EFHB: variants seen among roughly 807,000 people sequenced by gnomAD.
EFHB encodes EF-hand domain-containing family member B.
A neutral mutation model predicts 87.2 loss-of-function variants in EFHB; 91 were observed. The observed-to-expected ratio is 1.04, with a 90% CI of 0.88 to 1.24. The LOEUF (loss-of-function observed/expected upper bound fraction) is 1.24. Among genes scored for constraint, EFHB ranks in the 50% most tolerant of loss-of-function variants. The probability of loss-of-function intolerance (pLI) is 0.00; values close to 1 mark genes in which losing one functional copy is unlikely to be tolerated. For synonymous variants in EFHB, 325 were observed against 333.6 expected (o/e 0.97, Z 0.28); for missense variants, 1,084 against 998.8 (o/e 1.09, Z -1.15).
chr3:19,939,477 C>T (rs987834074), intron 1 of EFHB, among the ~76,000 whole-genome samples: 7 of 148,260 alleles, frequency 4.7e-5, no homozygotes, highest in East Asian at 2.0e-4. Flanking sequence ...CTCCGCCTCC[C>T]GGGTTCACGC....
upstream of EFHB, among the ~76,000 whole-genome samples, chr3:19,938,875 C>T (rs571840323): frequency 1.3e-4 from 20 of 152,132 alleles, no homozygotes; most frequent in East Asian, 1.9e-4. Flanking sequence ...TAGTTCCACT[C>T]GCACACTGGG....
upstream of EFHB, among the ~76,000 whole-genome samples, chr3:19,935,354 G>A (rs1695986796): frequency 6.6e-6 from 1 of 152,092 alleles, no homozygotes; most frequent in African/African-American, 2.4e-5. Context: ...TTTAATGAAA[G>A]TATATTTGGT....
intron 5 of EFHB, among the ~76,000 whole-genome samples, chr3:19,913,069 C>T (rs1440383321): frequency 6.6e-6 from 1 of 151,932 alleles, no homozygotes; most frequent in Non-Finnish European, 1.5e-5. Context: ...TAATAAAAAC[C>T]CTCAACACAC....
chr3:19,881,531 C>G (rs1049829177), intron 12 of EFHB, among the ~76,000 whole-genome samples: 5 of 152,082 alleles, frequency 3.3e-5, no homozygotes, highest in Non-Finnish European at 2.9e-5. Flanking sequence ...ATTTCATAGG[C>G]CTTTCAGAGT....
At position 19,934,175 on chromosome 3, in the gene EFHB, C is replaced by T. The variant is rs768144473; in HGVS notation, c.-157G>A. On this transcript the variant is annotated 5_prime_UTR_variant, in exon 1 of 13. Coordinates refer to ENST00000295824, the MANE Select transcript of EFHB (RefSeq NM_144715.4). The stretch of plus-strand genomic sequence containing the variant: ...TCCCTGTCCATTGCTTCCTGCCTGC[C>T]TCTTAACACCTAGCCGAGTTCACAG... 2.3e-4 allele frequency: 336 copies of T among 1,443,310 alleles called. No homozygotes were observed. The highest frequency in any genetic ancestry group is 2.0e-3 in the Middle Eastern group (8 of 3,960). 89.4% of individuals were successfully genotyped at this position (1,443,310 alleles called of 1,614,324 possible). A position where few individuals can be genotyped will look rare whatever the true frequency, so the allele number is the denominator to read the frequency against.
At chr3:19,928,863 T>C (rs916390309) in intron 1 of EFHB, among the ~76,000 whole-genome samples, 2 of 152,122 alleles carry the variant, frequency 1.3e-5, no homozygotes, top group African/African-American at 2.4e-5. Context: ...AGTGTCAATA[T>C]GATTGTCAAC....
intron 6 of EFHB, among the ~76,000 whole-genome samples, chr3:19,903,805 C>A (rs1197755100): frequency 6.6e-6 from 1 of 152,090 alleles, no homozygotes; most frequent in African/African-American, 2.4e-5. Context: ...AGATCTGGTG[C>A]AGTGGTTAGG....
chr3:19,933,961 C>T lies in EFHB; in HGVS notation c.58G>A (p.Val20Ile), dbSNP rs747449571. ...ATGGGAAATTTTGTTCCCATGATGACCCTCTTGTCTCCTAAATCATCCTTT... is the reference window on the plus strand; with the variant it reads ...ATGGGAAATTTTGTTCCCATGATGATCCTCTTGTCTCCTAAATCATCCTTT... ...EGKDDLGDKRVIMGTKFPMEL... is the reference protein window; with the variant it reads ...EGKDDLGDKRIIMGTKFPMEL... The change falls in exon 1 of 13, where the codon GTC (valine) becomes ATC (isoleucine). Residue 20 changes from valine to isoleucine, a missense_variant. Val to Ile is a conservative substitution (Grantham distance 29). Coordinates refer to ENST00000295824, the MANE Select transcript of EFHB (RefSeq NM_144715.4). 6.2e-7 allele frequency: 1 copy of T among 1,613,430 alleles called. No individual in the cohort carries two copies. The highest frequency in any genetic ancestry group is 1.7e-5 in the Admixed American group (1 of 59,922).
Position 19,899,467 on chromosome 3 carries a change from T to A in EFHB, c.1467A>T (p.Glu489Asp), listed in dbSNP as rs1249231041. The change falls in exon 7 of 13, where the codon GAA becomes GAT. Residue 489 changes from glutamate to aspartate, a missense_variant. Physicochemically the swap from Glu to Asp is conservative, Grantham distance 45 (BLOSUM62 2). Coordinates refer to ENST00000295824, the MANE Select transcript of EFHB (RefSeq NM_144715.4). ...CTCTTCCAAGTTTATGTTGAAACTT[T>A]TCTTTGAAATCATCTGCTCTTTTGG... is the stretch of plus-strand genomic sequence containing the variant. ...FVSKRADDFKEKFQHKLGRVL... is the reference protein window; with the variant it reads ...FVSKRADDFKDKFQHKLGRVL... The A allele has an allele frequency of 6.2e-7, 1 of 1,606,996 alleles. No homozygotes were observed. The highest frequency in any genetic ancestry group is 1.3e-5 in the African/African-American group (1 of 74,818).
chr3:19,896,599 G>C, intron 9 of EFHB, 88 bp downstream of exon 9: 1 of 1,538,850 alleles, frequency 6.5e-7, no homozygotes, highest in Non-Finnish European at 8.9e-7. Context: ...TTGGCCCACA[G>C]GCTATAGTTT....
chr3:19,889,570 G>A (rs11922300), intron 9 of EFHB, among the ~76,000 whole-genome samples: 1 of 152,054 alleles, frequency 6.6e-6, no homozygotes, highest in Non-Finnish European at 1.5e-5. Flanking sequence ...CAATCCCCTG[G>A]AGAACGAGAA....
At chr3:19,902,197 A>AATTC (rs2125132922) in intron 6 of EFHB, among the ~76,000 whole-genome samples, 1 of 152,256 alleles carries the variant, frequency 6.6e-6, no homozygotes, top group East Asian at 1.9e-4. Flanking sequence ...TGTGCCAGTG[A>AATTC]ATTCATTCGT....
chr3:19,906,374 A>T (rs1694844027), intron 5 of EFHB, among the ~76,000 whole-genome samples: 1 of 152,330 alleles, frequency 6.6e-6, no homozygotes, highest in South Asian at 2.1e-4. Flanking sequence ...GTCAAAGAAT[A>T]CAAAATCAAC....
intron 12 of EFHB, among the ~76,000 whole-genome samples, chr3:19,881,308 G>T (rs1264013835): frequency 6.6e-6 from 1 of 152,098 alleles, no homozygotes; most frequent in Non-Finnish European, 1.5e-5. Context: ...CAGTGGTTTG[G>T]CATTCTATCA....
chr3:19,945,419 T>C (rs1696249640), intron 1 of EFHB, among the ~76,000 whole-genome samples: 1 of 152,176 alleles, frequency 6.6e-6, no homozygotes, highest in South Asian at 2.1e-4. Context: ...AACACTACCA[T>C]GGACCAGGTG....
rs1423054139 is a variant in EFHB at position 19,884,508 on chromosome 3, C to T, written c.2041G>A (p.Glu681Lys). ...DIVLKEAGSTEKTLRTLLRPS... is the reference protein window; with the variant it reads ...DIVLKEAGSTKKTLRTLLRPS... Reference sequence around the variant, plus strand: ...CTCAGAAGTGTCCGGAGAGTCTTTTCTGTGCTTCCTGCTTCTTTTAAGACA... The same window carrying T: ...CTCAGAAGTGTCCGGAGAGTCTTTTTTGTGCTTCCTGCTTCTTTTAAGACA... The change falls in exon 11 of 13, where the codon GAA (glutamate) becomes AAA (lysine). Residue 681 changes from glutamate to lysine, a missense_variant. By Grantham distance (56) the Glu-to-Lys change is moderately conservative. Coordinates refer to ENST00000295824, the MANE Select transcript of EFHB (RefSeq NM_144715.4). The T allele has an allele frequency of 2.5e-6, 4 of 1,613,962 alleles. No individual in the cohort carries two copies. Among genetic ancestry groups the T allele is most frequent in the Non-Finnish European group, 3.4e-6 (4 of 1,179,880 alleles).
At chr3:19,894,578 T>A (rs1694409609) in intron 9 of EFHB, 1 of 152,178 alleles carries the variant, frequency 6.6e-6, no homozygotes, top group South Asian at 2.1e-4. Context: ...AATATAAGAT[T>A]TAAATAATCA....
At chr3:19,906,283 C>G (rs1000702770) in intron 5 of EFHB, among the ~76,000 whole-genome samples, 1 of 152,154 alleles carries the variant, frequency 6.6e-6, no homozygotes, top group Non-Finnish European at 1.5e-5. Context: ...AAGCCAAGAT[C>G]GTGCCACTGC....
chr3:19,895,413 G>A (rs1348138893), intron 9 of EFHB, among the ~76,000 whole-genome samples: 2 of 151,528 alleles, frequency 1.3e-5, no homozygotes, highest in South Asian at 4.2e-4. Context: ...CCCGGGAGGC[G>A]GAGCTTGCAG....
Sources: allele counts gnomAD v4.1 joint callset (sites outside exome capture counted in the v4.1 genomes callset), GRCh38; gene constraint gnomAD v4.1.1; transcripts MANE v1.5; gene names NCBI Gene and HGNC (gene_info 2026-07-23, HGNC 2026-07-21).